Variants in STIM1 observed in about 807,000 individuals in gnomAD.
The protein encoded by STIM1 is stromal interaction molecule 1.
In STIM1, 25 loss-of-function variants were observed where a neutral mutation model predicts 74.7. The ratio of observed to expected loss-of-function variants is 0.33; its 90% CI spans 0.24 to 0.47. STIM1 has a LOEUF of 0.47. STIM1 is among the 20% of genes least tolerant of loss of function. STIM1 has a pLI of 1.00. For missense variants in STIM1, 728 were observed against 920.8 expected, an observed-to-expected ratio of 0.79 and a Z score of 2.71; for synonymous variants, 328 against 348.8, an observed-to-expected ratio of 0.94 and a Z score of 0.66.
chr11:4,022,740 G>A (rs1004784590), intron 2 of STIM1, among the ~76,000 whole-genome samples: 3 of 152,140 alleles, frequency 2.0e-5, no homozygotes, highest in Admixed American at 2.0e-4. Flanking sequence ...CAAACAGCTG[G>A]GGCTACTCAC....
At chr11:4,061,992 T>C (rs1431265489) in intron 5 of STIM1, among the ~76,000 whole-genome samples, 1 of 151,932 alleles carries the variant, frequency 6.6e-6, no homozygotes, top group African/African-American at 2.4e-5. Context: ...GAGGAGGGAA[T>C]GGGGAGAAAC....
At chr11:4,031,061 T>C (rs2094045810) in intron 3 of STIM1, among the ~76,000 whole-genome samples, 1 of 152,232 alleles carries the variant, frequency 6.6e-6, no homozygotes, top group East Asian at 1.9e-4. Context: ...TTGTAGTCTC[T>C]GCTCCCCTAG....
At chr11:4,062,516 G>C (rs1203549951) in intron 5 of STIM1, among the ~76,000 whole-genome samples, 3 of 152,192 alleles carry the variant, frequency 2.0e-5, no homozygotes, top group Non-Finnish European at 4.4e-5. Context: ...TAGCTACTCA[G>C]GAGGTTGAGG....
intron 3 of STIM1, among the ~76,000 whole-genome samples, chr11:4,051,346 C>CTT (rs202160322): frequency 2.8e-4 from 40 of 143,486 alleles, no homozygotes; most frequent in Middle Eastern, 3.5e-3. Context: ...GGTAAATTGT[C>CTT]TTTTTTTTTT....
chr11:3,897,657 C>T (rs570676261), intron 1 of STIM1, among the ~76,000 whole-genome samples: 9 of 152,014 alleles, frequency 5.9e-5, no homozygotes, highest in African/African-American at 1.5e-4. Flanking sequence ...AGCTATCCCT[C>T]CCCCCGCCAC....
intron 1 of STIM1, among the ~76,000 whole-genome samples, chr11:3,905,684 TC>T (rs1195004519): frequency 6.6e-6 from 1 of 152,230 alleles, no homozygotes; most frequent in Non-Finnish European, 1.5e-5. Context: ...GTGAGTATTG[TC>T]CCTATTTTCC....
chr11:3,932,272 A>G (rs1344285862), intron 1 of STIM1, among the ~76,000 whole-genome samples: 1 of 152,126 alleles, frequency 6.6e-6, no homozygotes, highest in Non-Finnish European at 1.5e-5. Context: ...TCCCTATGGA[A>G]GTTAACAGGG....
At chr11:4,003,410 C>G in intron 2 of STIM1, among the ~76,000 whole-genome samples, 1 of 150,574 alleles carries the variant, frequency 6.6e-6, no homozygotes, top group Admixed American at 6.6e-5. Flanking sequence ...GGGCTTCATC[C>G]CTGGGATGCA....
chr11:4,042,041 A>G (rs1352433601), intron 3 of STIM1, among the ~76,000 whole-genome samples: 1 of 152,230 alleles, frequency 6.6e-6, no homozygotes, highest in Non-Finnish European at 1.5e-5. Flanking sequence ...TGAAACCACA[A>G]AAGTAGATGA....
intron 1 of STIM1, among the ~76,000 whole-genome samples, chr11:3,965,857 A>G (rs2093335237): frequency 6.6e-6 from 1 of 151,636 alleles, no homozygotes; most frequent in Admixed American, 6.6e-5. Flanking sequence ...AATACAAAAA[A>G]TTAGCCGGGC....
At chr11:3,883,865 G>A (rs993760782) in intron 1 of STIM1, among the ~76,000 whole-genome samples, 28 of 152,182 alleles carry the variant, frequency 1.8e-4, no homozygotes, top group Admixed American at 1.4e-3. Flanking sequence ...GATCAGTTGC[G>A]GGCTGTACTA....
intron 2 of STIM1, among the ~76,000 whole-genome samples, chr11:3,970,358 C>T (rs1051041445): frequency 1.3e-5 from 2 of 152,130 alleles, no homozygotes; most frequent in Admixed American, 6.5e-5. Context: ...CAATCACAAG[C>T]TACCTTCCTG....
intron 2 of STIM1, among the ~76,000 whole-genome samples, chr11:4,004,841 A>AC (rs1305762380): frequency 6.6e-6 from 1 of 152,272 alleles, no homozygotes; most frequent in Admixed American, 6.5e-5. Flanking sequence ...TACTCATCTG[A>AC]CAAAGGGCTA....
chr11:3,967,085 A>G (rs1590608335), intron 1 of STIM1, among the ~76,000 whole-genome samples: 1 of 152,250 alleles, frequency 6.6e-6, no homozygotes, highest in East Asian at 1.9e-4. Context: ...ATTACACATC[A>G]TTTGGGCACT....
chr11:4,070,031 C>T lies in STIM1; in HGVS notation c.619C>T (p.Arg207Cys). ...TVLFGPPLLT[R>C]HNHLKDFMLV... Reference sequence around the variant, plus strand: ...TGCCCTCCCCTCTCTGGCAGTGACTCGCCATAATCACCTCAAGGACTTCAT... The same window carrying T: ...TGCCCTCCCCTCTCTGGCAGTGACTTGCCATAATCACCTCAAGGACTTCAT... Residue 207 changes from arginine to cysteine, a missense_variant, in exon 6 of 13, where the codon CGC becomes TGC. Physicochemically the swap from Arg to Cys is radical, Grantham distance 180. This residue lies in a region of STIM1 where 132 missense variants were observed against 158.2 expected (regional missense o/e 0.83). Coordinates refer to ENST00000526596, the MANE Select transcript of STIM1 (RefSeq NM_001382567.1). 1.9e-6 allele frequency: 3 copies of T among 1,614,064 alleles called. No individual in the cohort carries two copies. Among genetic ancestry groups the T allele is most frequent in the Non-Finnish European group, 2.5e-6 (3 of 1,180,020 alleles).
At chr11:3,876,925 G>T (rs1474151420) in intron 1 of STIM1, among the ~76,000 whole-genome samples, 1 of 152,138 alleles carries the variant, frequency 6.6e-6, no homozygotes, top group Non-Finnish European at 1.5e-5. Context: ...GAAAGTTTAC[G>T]ATTTGGAATC....
At chr11:3,961,880 G>A (rs117504461) in intron 1 of STIM1, among the ~76,000 whole-genome samples, 2,896 of 152,296 alleles carry the variant, frequency 0.019, 38 homozygotes, top group Non-Finnish European at 0.03. Context: ...GGAGAAAATT[G>A]TCCTTTGGAA....
intron 2 of STIM1, among the ~76,000 whole-genome samples, chr11:3,999,196 A>C: frequency 6.6e-6 from 1 of 152,164 alleles, no homozygotes; most frequent in East Asian, 1.9e-4. Context: ...AAATGAAGAA[A>C]AAATTAGCCC....
chr11:3,937,176 A>G (rs909996399), intron 1 of STIM1, among the ~76,000 whole-genome samples: 1 of 151,880 alleles, frequency 6.6e-6, no homozygotes, highest in African/African-American at 2.4e-5. Context: ...CTGTAGTCCT[A>G]GCTACTTGGA....
Sources: allele counts gnomAD v4.1 joint callset (sites outside exome capture counted in the v4.1 genomes callset), GRCh38; gene constraint gnomAD v4.1.1; regional missense constraint gnomAD v4.1.1; transcripts MANE v1.5; gene names NCBI Gene and HGNC (gene_info 2026-07-23, HGNC 2026-07-21).